The following PHIP variants were observed in gnomAD, a reference collection of about 807,000 sequenced individuals.
PHIP encodes the protein PHIP subunit of CUL4-Ring ligase complex, also known as PH-interacting protein.
In PHIP, 54 loss-of-function variants were observed where a neutral mutation model predicts 236.8. The observed-to-expected ratio is 0.23, with a 90% confidence interval of 0.18 to 0.29. PHIP has a LOEUF of 0.29. PHIP is among the 10% of genes least tolerant of loss of function. The probability of loss-of-function intolerance (pLI) is 1.00; values close to 1 mark genes in which losing one functional copy is unlikely to be tolerated. For missense variants in PHIP, 1,370 were observed against 2,190.8 expected (o/e 0.63, Z 7.48); for synonymous variants, 756 against 718.9 (o/e 1.05, Z -0.83).
intron 20 of PHIP, among the ~76,000 whole-genome samples, chr6:78,988,714 T>C (rs1358429483): frequency 1.3e-5 from 2 of 151,922 alleles, no homozygotes; most frequent in Non-Finnish European, 2.9e-5. Context: ...TACTTGCTGA[T>C]TGATTAGTTA....
intron 7 of PHIP, among the ~76,000 whole-genome samples, chr6:79,040,803 C>G (rs1170344777): frequency 6.6e-6 from 1 of 152,088 alleles, no homozygotes; most frequent in African/African-American, 2.4e-5. Context: ...ATTCTGAAAT[C>G]TGTAACTCCA....
intron 7 of PHIP, among the ~76,000 whole-genome samples, chr6:79,034,152 T>C (rs1300794781): frequency 6.6e-6 from 1 of 152,190 alleles, no homozygotes; most frequent in African/African-American, 2.4e-5. Flanking sequence ...CTTGAGCATA[T>C]GTTGTTAGAA....
chr6:78,965,900 C>T (rs777947657), intron 28 of PHIP, 45 bp downstream of exon 28: 2 of 1,433,288 alleles, frequency 1.4e-6, no homozygotes, highest in African/African-American at 2.8e-5. Context: ...AAAAAAAATT[C>T]AAAGCAAGCC....
chr6:78,991,025 C>A (rs1769205968), intron 19 of PHIP, 40 bp from the exon 20 acceptor site: 1 of 1,217,292 alleles, frequency 8.2e-7, no homozygotes, highest in Non-Finnish European at 1.2e-6. Context: ...TAGAATTTTA[C>A]ACATAACTTT....
rs1367013431 is a variant in PHIP, at chr6:78,938,275, AGT to A, written c.*2416_*2417del. ...TGTCCAAATAAGGTCATAAATATAC[AGT>A]GTCTGTAGAACAGGAATAATACATT... On this transcript the variant is annotated 3_prime_UTR_variant, in exon 40 of 40. Transcript: ENST00000275034. The A allele has an allele frequency of 6.6e-6, 1 of 151,742 alleles. No homozygotes were observed. Among genetic ancestry groups the A allele is most frequent in the Non-Finnish European group, 1.5e-5 (1 of 67,624 alleles). 9.4% of individuals were successfully genotyped at this position (151,742 alleles called of 1,614,324 possible). A position where few individuals can be genotyped will look rare whatever the true frequency, so the allele number is the denominator to read the frequency against.
At chr6:78,984,522 C>G (rs192105380) in intron 22 of PHIP, among the ~76,000 whole-genome samples, 3 of 152,294 alleles carry the variant, frequency 2.0e-5, no homozygotes, top group Admixed American at 2.0e-4. Context: ...AAAACCACCA[C>G]TACTCTTTTA....
chr6:79,051,392 G>A (rs1772788835), intron 6 of PHIP, among the ~76,000 whole-genome samples: 1 of 152,096 alleles, frequency 6.6e-6, no homozygotes, highest in South Asian at 2.1e-4. Context: ...AAAAAAAGGA[G>A]GGCAGGTATT....
intron 15 of PHIP, among the ~76,000 whole-genome samples, chr6:79,005,838 AGG>A (rs1770261611): frequency 6.6e-6 from 1 of 151,998 alleles, no homozygotes; most frequent in Non-Finnish European, 1.5e-5. Flanking sequence ...CGGGGCAAGT[AGG>A]ACTGATCAAC....
At chr6:79,032,666 C>T (rs1406030355) in intron 7 of PHIP, among the ~76,000 whole-genome samples, 3 of 151,956 alleles carry the variant, frequency 2.0e-5, no homozygotes, top group African/African-American at 7.3e-5. Flanking sequence ...CCACTGAAGT[C>T]TTGAACCCCT....
rs1773324735 is a variant in PHIP at position 79,060,663 on chromosome 6, C to G, written c.340+5G>C. On this transcript the variant is annotated splice_donor_5th_base_variant and intron_variant, in intron 5 of 39. Transcript: ENST00000275034. ...TGTCTAAATCCTATGAGAAAATTTTCATACTTTTATTTGTGCGTAGTAAAG... is the reference window on the plus strand; with the variant it reads ...TGTCTAAATCCTATGAGAAAATTTTGATACTTTTATTTGTGCGTAGTAAAG... 6.2e-7 allele frequency: 1 copy of G among 1,609,818 alleles called. No individual in the cohort carries two copies. The highest frequency in any genetic ancestry group is 8.5e-7 in the Non-Finnish European group (1 of 1,178,248).
intron 6 of PHIP, among the ~76,000 whole-genome samples, chr6:79,058,390 G>T (rs1439406031): frequency 6.6e-6 from 1 of 152,036 alleles, no homozygotes; most frequent in Non-Finnish European, 1.5e-5. Flanking sequence ...TTACTAATCT[G>T]ACCATCAACG....
At chr6:79,019,947 GATT>G (rs1434408946) in intron 9 of PHIP, among the ~76,000 whole-genome samples, 1 of 152,060 alleles carries the variant, frequency 6.6e-6, no homozygotes, top group African/African-American at 2.4e-5. Context: ...CCAATATACT[GATT>G]ATATTTGAAG....
chr6:78,955,496 A>C, intron 33 of PHIP, 117 bp downstream of exon 33: 1 of 547,624 alleles, frequency 1.8e-6, no homozygotes, highest in Non-Finnish European at 3.2e-6. Flanking sequence ...TTTTTTTTAA[A>C]TTAACTACAC....
chr6:78,942,915 G>C, intron 39 of PHIP, among the ~76,000 whole-genome samples: 1 of 152,108 alleles, frequency 6.6e-6, no homozygotes, highest in Non-Finnish European at 1.5e-5. Context: ...AATGAATGCA[G>C]CTTTCTTAAA....
At chr6:78,993,438 T>C (rs1361206974) in intron 19 of PHIP, among the ~76,000 whole-genome samples, 1 of 141,218 alleles carries the variant, frequency 7.1e-6, no homozygotes, top group Non-Finnish European at 1.6e-5. Context: ...TAGAGAGAAG[T>C]AAGGGCTTGG....
chr6:78,976,081 A>C (rs1768038024), intron 24 of PHIP, among the ~76,000 whole-genome samples: 2 of 151,664 alleles, frequency 1.3e-5, no homozygotes, highest in East Asian at 3.9e-4. Context: ...ATCCTAAGCC[A>C]AAAGAACAAA....
chr6:78,946,177 A>T lies in PHIP; in HGVS notation c.4454T>A (p.Ile1485Lys). The change falls in exon 38 of 40, where the codon ATA becomes AAA. Residue 1485 changes from isoleucine to lysine, a missense_variant. Physicochemically the swap from Ile to Lys is moderately radical, Grantham distance 102. Transcript: ENST00000275034. ...CTGAGCAGCATTGTGTCTTGGCGGTATTGATCGTGTAGGTGTAGAGAATGC... is the reference window on the plus strand; with the variant it reads ...CTGAGCAGCATTGTGTCTTGGCGGTTTTGATCGTGTAGGTGTAGAGAATGC... ...TSAFSTPTRS[I>K]PPRHNAAQIN... 6.2e-7 allele frequency: 1 copy of T among 1,613,948 alleles called. No homozygotes were observed. Among genetic ancestry groups the T allele is most frequent in the Non-Finnish European group, 8.5e-7 (1 of 1,179,852 alleles).
intron 24 of PHIP, among the ~76,000 whole-genome samples, chr6:78,973,803 G>A (rs549401264): frequency 4.0e-5 from 6 of 151,828 alleles, no homozygotes; most frequent in East Asian, 3.9e-4. Context: ...TGGTAAAGGG[G>A]TCAATTCAAC....
chr6:78,974,022 A>G (rs999983172), intron 24 of PHIP, among the ~76,000 whole-genome samples: 6 of 152,198 alleles, frequency 3.9e-5, no homozygotes, highest in Non-Finnish European at 8.8e-5. Context: ...TGCACCAAGC[A>G]GACCTAATAG....
Sources: allele counts gnomAD v4.1 joint callset (sites outside exome capture counted in the v4.1 genomes callset), GRCh38; gene constraint gnomAD v4.1.1; transcripts MANE v1.5; gene names NCBI Gene and HGNC (gene_info 2026-07-23, HGNC 2026-07-21).